The following FASN variants were observed in gnomAD, a reference collection of about 807,000 sequenced individuals.
FASN encodes the protein fatty acid synthase.
In FASN, 50 loss-of-function variants were observed where a neutral mutation model predicts 250.0. The observed-to-expected ratio is 0.20, with a 90% confidence interval of 0.16 to 0.25. The LOEUF is 0.25. Ranked by LOEUF, FASN falls within the 10% of genes least tolerant of loss-of-function variation. The pLI is 1.00. For synonymous variants in FASN, 1,909 were observed against 1,584.0 expected (o/e 1.21, Z -4.87); for missense variants, 3,031 against 3,498.5 (o/e 0.87, Z 3.37).
Position 82,093,606 on chromosome 17 carries a change from T to C in FASN, c.446A>G (p.Asp149Gly). Residue 149 changes from aspartate (D) to glycine (G), a missense_variant, in exon 4 of 43, where the codon GAC becomes GGC. Physicochemically the swap from Asp to Gly is moderately conservative, Grantham distance 94. Transcript: ENST00000306749. ...GGCTGGGCAGGACCCACCTCTGAAG[T>C]CGAAGAAGAAGGAGAGCCGGTTGGC... ...MMANRLSFFF[D>G]FRGPSIALDT... 2 of 1,612,602 alleles carry C rather than the reference T, an allele frequency of 1.2e-6. No homozygotes were observed. The highest frequency in any genetic ancestry group is 1.7e-6 in the Non-Finnish European group (2 of 1,179,960).
Position 82,078,821 on chromosome 17 carries a change from T to C in FASN, c.*322A>G, listed in dbSNP as rs548589236. The C allele has an allele frequency of 3.3e-5, 15 of 458,484 alleles. No homozygotes were observed. The highest frequency in any genetic ancestry group is 2.3e-4 in the South Asian group (11 of 46,880). The allele number at this position is 458,484 out of a possible 1,614,324, so 28.4% of individuals were successfully genotyped here. A position where few individuals can be genotyped will look rare whatever the true frequency, so the allele number is the denominator to read the frequency against. ...GTCTCTACCAGCAATGCAATAAATA[T>C]GCAAATCCAAGCACAGAAAGACCAA... On this transcript the variant is annotated 3_prime_UTR_variant, in exon 43 of 43. Transcript: ENST00000306749. This position sits in a 1 kb window ranked among gnomAD's most constrained non-coding sequence, Gnocchi z 5.4.
At position 82,080,558 on chromosome 17, in the gene FASN, C is replaced by T; in HGVS notation, c.6859G>A (p.Ala2287Thr). 2.6e-6 allele frequency: 4 copies of T among 1,559,404 alleles called. No homozygotes were observed. Among genetic ancestry groups the T allele is most frequent in the Non-Finnish European group, 3.5e-6 (4 of 1,152,676 alleles). Reference protein sequence around the residue: ...APLDSIHSLAAYYIDCIRQVQ... With the variant: ...APLDSIHSLATYYIDCIRQVQ... ...TGCCTGATGCAGTCGATGTAGTAGG[C>T]AGCCAGGCTGTGGATGCTGTCAAGG... The change falls in exon 40 of 43, where the codon GCC (alanine) becomes ACC (threonine). Residue 2287 changes from alanine to threonine, a missense_variant. By Grantham distance (58) the Ala-to-Thr change is moderately conservative (BLOSUM62 0). Transcript: ENST00000306749.
At position 82,089,702 on chromosome 17, in the gene FASN, T is replaced by C; in HGVS notation, c.1895A>G (p.Gln632Arg). Residue 632 changes from glutamine (Q) to arginine (R), a missense_variant, in exon 12 of 43, where the codon CAG becomes CGG. Physicochemically the swap from Gln to Arg is conservative, Grantham distance 43. Coordinates refer to ENST00000306749, the MANE Select transcript of FASN (RefSeq NM_004104.5). ...GGGCACCACGCCCGGGGGGCAGCGC[T>C]GTTTACACTCCTCCCAGGACAAGCC... Reference protein sequence around the residue: ...AVGLSWEECKQRCPPGVVPAC... With the variant: ...AVGLSWEECKRRCPPGVVPAC... 1 of 1,588,496 alleles carries C rather than the reference T, an allele frequency of 6.3e-7. No individual in the cohort carries two copies.
chr17:82,095,412 G>A lies in FASN; in HGVS notation c.188C>T (p.Ser63Phe). ...KLKDLSRFDA[S>F]FFGVHPKQAH... ...CTGCTTGGGGTGGACTCCGAAGAAG[G>A]AGGCATCAAACCTAGACAGGTCCTT... The change falls in exon 3 of 43, where the codon TCC (serine) becomes TTC (phenylalanine). Residue 63 changes from serine to phenylalanine, a missense_variant. Ser to Phe is a radical substitution (Grantham distance 155). Transcript: ENST00000306749. The A allele has an allele frequency of 6.2e-7, 1 of 1,613,000 alleles. No individual in the cohort carries two copies. Among genetic ancestry groups the A allele is most frequent in the Non-Finnish European group, 8.5e-7 (1 of 1,180,012 alleles).
Position 82,082,130 on chromosome 17 carries a change from G to A in FASN, c.6042C>T (p.Asp2014=). 1.9e-6 allele frequency: 3 copies of A among 1,606,152 alleles called. No individual in the cohort carries two copies. Among genetic ancestry groups the A allele is most frequent in the African/African-American group, 1.3e-5 (1 of 75,038 alleles). The change falls in exon 36 of 43, where the codon GAC becomes GAT. Residue 2014 remains aspartate, a synonymous_variant. Transcript: ENST00000306749. ...TCACAGAGGAGAAGACCACAAAGTAGTCCAGCTCAGGGCACGCCTCTCGGG... is the reference window on the plus strand; with the variant it reads ...TCACAGAGGAGAAGACCACAAAGTAATCCAGCTCAGGGCACGCCTCTCGGG... ...RVTREACPEL[D]YFVVFSSVSC...
At chr17:82,082,778 G>T in intron 33 of FASN, 100 bp from the exon 34 acceptor site, 1 of 1,553,942 alleles carries the variant, frequency 6.4e-7, no homozygotes, top group Non-Finnish European at 8.7e-7. Flanking sequence ...GCCCCATCCA[G>T]CAAGCCCCCC....
At chr17:82,096,656 T>G (rs918032594) in intron 1 of FASN, 1 of 714,006 alleles carries the variant, frequency 1.4e-6, no homozygotes, top group Non-Finnish European at 2.4e-6. Context: ...CTGCGTGCTC[T>G]GGGAACAGGC....
In FASN at chr17:82,087,899, C is replaced by T. The variant is rs761004581; in HGVS notation, c.2867-38G>A. ...AGGTGCGGAAGGGCCTGAGGACGGG[C>T]GGCATGGCCAGCGGGCACAGCCTCC... On this transcript the variant is annotated intron_variant, in intron 18 of 42. Coordinates refer to ENST00000306749, the MANE Select transcript of FASN (RefSeq NM_004104.5). The T allele has an allele frequency of 9.9e-6, 16 of 1,611,996 alleles. 1 individual carries two copies. The Admixed American group carries it at 1.5e-4, about 15-fold the overall frequency.
rs553305929 is a variant in FASN at position 82,079,632 on chromosome 17, G to C, written c.7147-24C>G. On this transcript the variant is annotated intron_variant, in intron 41 of 42. Coordinates refer to ENST00000306749, the MANE Select transcript of FASN (RefSeq NM_004104.5). The stretch of plus-strand genomic sequence containing the variant: ...ACCTGTGGGGTCGGGCTCTGAGCAG[G>C]TGCTGGCAGCACCCACAGCACCGGC... 3 of 1,597,668 alleles carry C rather than the reference G, an allele frequency of 1.9e-6. No homozygotes were observed. The East Asian group carries it at 6.7e-5, about 36-fold the overall frequency.
In FASN at chr17:82,091,439, C is replaced by T; in HGVS notation, c.1275G>A (p.Arg425=). 1 of 1,607,630 alleles carries T rather than the reference C, an allele frequency of 6.2e-7. No individual in the cohort carries two copies. The highest frequency in any genetic ancestry group is 1.1e-5 in the South Asian group (1 of 90,408). The stretch of plus-strand genomic sequence containing the variant: ...CGGCCTCAGGGGTGCGTCCGCTGGC[C>T]CGCAGCAGACGGGGCAGGGTGGCAT... The part of the protein sequence containing the change: ...APHATLPRLL[R]ASGRTPEAVQ... Residue 425 remains arginine (R), a synonymous_variant, in exon 9 of 43, where the codon CGG becomes CGA. Coordinates refer to ENST00000306749, the MANE Select transcript of FASN (RefSeq NM_004104.5).
At position 82,080,995 on chromosome 17, in the gene FASN, A is replaced by C. The variant is rs893912930; in HGVS notation, c.6596-73T>G. On this transcript the variant is annotated intron_variant, in intron 38 of 42. Transcript: ENST00000306749. ...GGCACCCACGCAAGGACACACAGACACGCACGCAGGTCCCCACGGTGCTAC... is the reference window on the plus strand; with the variant it reads ...GGCACCCACGCAAGGACACACAGACCCGCACGCAGGTCCCCACGGTGCTAC... The C allele has an allele frequency of 2.7e-5, 39 of 1,439,830 alleles. 1 individual carries two copies. In the African/African-American group the frequency reaches 5.3e-4, roughly 20 times the overall value. The allele number at this position is 1,439,830 out of a possible 1,614,324, so 89.2% of individuals were successfully genotyped here.
Position 82,085,814 on chromosome 17 carries a change from G to C in FASN, c.3790C>G (p.Pro1264Ala). 6.4e-7 allele frequency: 1 copy of C among 1,560,542 alleles called. No homozygotes were observed. Among genetic ancestry groups the C allele is most frequent in the East Asian group, 2.3e-5 (1 of 42,820 alleles). ...SRIPGLLSPH[P>A]LLQLSYTATD... is the part of the protein sequence containing the mutation. ...GCCGTGTAGCTCAGCTGCAGCAGGG[G>C]ATGGGGGCTGAGCAGGCCTGGGATG... The change falls in exon 23 of 43, where the codon CCC becomes GCC. Residue 1264 changes from proline to alanine, a missense_variant. Pro to Ala is a conservative substitution (Grantham distance 27). Transcript: ENST00000306749.
intron 12 of FASN, 50 bp downstream of exon 12, chr17:82,089,582 C>CA: frequency 6.4e-7 from 1 of 1,551,854 alleles, no homozygotes; most frequent in African/African-American, 1.4e-5. Context: ...GCCAGACTTG[C>CA]AATGGCAGGC....
chr17:82,096,171 C>A, intron 2 of FASN, 148 bp downstream of exon 2: 1 of 1,300,672 alleles, frequency 7.7e-7, no homozygotes, highest in Non-Finnish European at 1.1e-6. Flanking sequence ...AGGCCTCGCC[C>A]ATGGGTGACC....
Position 82,093,752 on chromosome 17 carries a change from G to A in FASN, c.300C>T (p.Leu100=), listed in dbSNP as rs1382024863. ...CCCAGACGCCAGTGTGTGTTCCTCG[G>A]AGTGAATCTGGGTTGATGCCTGCCA... ...IVDGGINPDS[L]RGTHTGVWVG... is the part of the protein sequence containing the mutation. Residue 100 remains leucine, a synonymous_variant, in exon 4 of 43, where the codon CTC becomes CTT. Transcript: ENST00000306749. 1.9e-6 allele frequency: 3 copies of A among 1,612,500 alleles called. No homozygotes were observed. Among genetic ancestry groups the A allele is most frequent in the African/African-American group, 2.7e-5 (2 of 74,926 alleles).
chr17:82,080,033 T>C (rs1317949222), intron 41 of FASN, 107 bp downstream of exon 41: 1 of 1,218,072 alleles, frequency 8.2e-7, no homozygotes, highest in Admixed American at 1.7e-5. Context: ...AGGGGTGAAG[T>C]TGGGGGGCCT....
chr17:82,089,935 T>A lies in FASN; in HGVS notation c.1871-209A>T, dbSNP rs1044275955. 3.9e-5 allele frequency among the ~76,000 whole-genome samples: 6 copies of A among 152,318 alleles called. No individual in the cohort carries two copies. In the South Asian group the frequency reaches 1.2e-3, roughly 32 times the overall value. On this transcript the variant is annotated intron_variant, in intron 11 of 42. Transcript: ENST00000306749. ...GAGCTGCCACTCCAGGGGCAGCTCC[T>A]GGGAGCCCAGTCCCCAGATGGTGGC...
intron 2 of FASN, 30 bp from the exon 3 acceptor site, chr17:82,095,502 G>A: frequency 1.2e-6 from 2 of 1,609,142 alleles, no homozygotes; most frequent in Non-Finnish European, 8.5e-7. Context: ...TTAAATCTCT[G>A]ACGGAAGCTG....
rs1022178678 is a variant in FASN at position 82,082,213 on chromosome 17, C to A, written c.6012-53G>T. ...GGCCAGCATCCCCAGGAGCCCCCAA[C>A]GTCCCATCCCCAGGAAACGCCAGAG... On this transcript the variant is annotated intron_variant, in intron 35 of 42. Coordinates refer to ENST00000306749, the MANE Select transcript of FASN (RefSeq NM_004104.5). 7 of 1,601,218 alleles carry A rather than the reference C, an allele frequency of 4.4e-6. No individual in the cohort carries two copies. In the East Asian group the frequency reaches 1.6e-4, roughly 36 times the overall value.
Sources: allele counts gnomAD v4.1 joint callset (sites outside exome capture counted in the v4.1 genomes callset), GRCh38; gene constraint gnomAD v4.1.1; non-coding constraint Gnocchi (gnomAD v3.1); transcripts MANE v1.5; gene names NCBI Gene and HGNC (gene_info 2026-07-23, HGNC 2026-07-21).